Variants in FNBP1L observed in about 807,000 individuals in gnomAD.
FNBP1L encodes formin-binding protein 1-like.
Under a neutral mutation model 91.2 loss-of-function variants are expected in FNBP1L, and 36 were observed. The ratio of observed to expected loss-of-function variants is 0.39; its 90% CI spans 0.30 to 0.52. The LOEUF (loss-of-function observed/expected upper bound fraction) is 0.52, where lower values mean the gene tolerates loss of function less well. Among genes scored for constraint, FNBP1L ranks in the 20% least tolerant of loss-of-function variants. The pLI is 0.66. For synonymous variants in FNBP1L, 242 were observed against 237.0 expected (o/e 1.02, Z -0.19); for missense variants, 571 against 732.1 (o/e 0.78, Z 2.54).
At chr1:93,518,634 C>G (rs1671212014) in intron 2 of FNBP1L, among the ~76,000 whole-genome samples, 1 of 152,132 alleles carries the variant, frequency 6.6e-6, no homozygotes, top group Non-Finnish European at 1.5e-5. Context: ...TCATTTTAGA[C>G]TTGTTGAATA....
At chr1:93,492,380 G>A (rs1670122384) in intron 1 of FNBP1L, among the ~76,000 whole-genome samples, 1 of 152,130 alleles carries the variant, frequency 6.6e-6, no homozygotes, top group Non-Finnish European at 1.5e-5. Context: ...TTATTTAAAT[G>A]CATGGGTCTT....
rs1305791803 is a variant in FNBP1L at position 93,546,893 on chromosome 1, G to A, written c.1326G>A (p.Gly442=). 6.2e-7 allele frequency: 1 copy of A among 1,612,826 alleles called. No individual in the cohort carries two copies. Among genetic ancestry groups the A allele is most frequent in the Non-Finnish European group, 8.5e-7 (1 of 1,179,434 alleles). The change falls in exon 13 of 17, where the codon GGG becomes GGA. Residue 442 remains glycine, a synonymous_variant. Coordinates refer to ENST00000271234, the MANE Select transcript of FNBP1L (RefSeq NM_001164473.3). The stretch of plus-strand genomic sequence containing the variant: ...TATATGAGAAGAATCCACAAATGGG[G>A]GATCCAGGGAGTTTGCAGCCTAAAT... ...KDVYEKNPQM[G]DPGSLQPKLA...
At chr1:93,480,282 A>T (rs781051597) in intron 1 of FNBP1L, among the ~76,000 whole-genome samples, 42 of 152,196 alleles carry the variant, frequency 2.8e-4, no homozygotes, top group Non-Finnish European at 4.6e-4. Context: ...CCATCCGCAT[A>T]CCAACCTAAG....
chr1:93,468,109 C>T (rs1028387529), intron 1 of FNBP1L, among the ~76,000 whole-genome samples: 2 of 152,160 alleles, frequency 1.3e-5, no homozygotes, highest in African/African-American at 4.8e-5. Flanking sequence ...CCTTCTTCTC[C>T]CTCTCCTCCA....
intron 1 of FNBP1L, among the ~76,000 whole-genome samples, chr1:93,496,570 T>C (rs1670267357): frequency 6.6e-6 from 1 of 152,110 alleles, no homozygotes. Context: ...CTGGCTAATT[T>C]TTAAATTTTT....
At chr1:93,469,243 A>T (rs1375317821) in intron 1 of FNBP1L, among the ~76,000 whole-genome samples, 8 of 75,102 alleles carry the variant, frequency 1.1e-4, no homozygotes, top group African/African-American at 2.1e-4. Context: ...CTAACCCCCC[A>T]CCCCCCAACA....
intron 1 of FNBP1L, among the ~76,000 whole-genome samples, chr1:93,454,788 A>G (rs987264830): frequency 3.9e-5 from 6 of 152,190 alleles, no homozygotes; most frequent in African/African-American, 1.4e-4. Flanking sequence ...ATACAGCATA[A>G]CAACTATTTA....
chr1:93,530,627 A>C, intron 6 of FNBP1L, 128 bp from the exon 7 acceptor site: 2 of 924,110 alleles, frequency 2.2e-6, no homozygotes, highest in Non-Finnish European at 3.2e-6. Context: ...AAGTTATGCC[A>C]CGTCATTATT....
chr1:93,532,439 C>T lies in FNBP1L; in HGVS notation c.640-483C>T, dbSNP rs989062946. Reference sequence around the variant, plus strand: ...CCGAGATCGCGCAACTGCACTCCATCCAGCCTGGCGACAGAGCGAGACTCC... The same window carrying T: ...CCGAGATCGCGCAACTGCACTCCATTCAGCCTGGCGACAGAGCGAGACTCC... On this transcript the variant is annotated intron_variant, in intron 7 of 16. Transcript: ENST00000271234. Among the ~76,000 whole-genome samples the T allele has an allele frequency of 4.1e-5, 6 of 146,680 alleles. No individual in the cohort carries two copies. In the Admixed American group the frequency reaches 4.2e-4, roughly 10 times the overall value.
intron 1 of FNBP1L, among the ~76,000 whole-genome samples, chr1:93,498,105 C>CA (rs1670329033): frequency 6.6e-6 from 1 of 151,476 alleles, no homozygotes; most frequent in South Asian, 2.1e-4. Flanking sequence ...TGTTTTTGTT[C>CA]AGGTTTTTTA....
intron 7 of FNBP1L, among the ~76,000 whole-genome samples, chr1:93,532,097 C>A (rs1428694295): frequency 6.6e-6 from 1 of 151,974 alleles, no homozygotes; most frequent in Non-Finnish European, 1.5e-5. Flanking sequence ...GGTCTGGGTA[C>A]CTGTTGATAA....
At chr1:93,513,385 T>C (rs1313611678) in intron 2 of FNBP1L, among the ~76,000 whole-genome samples, 2 of 151,580 alleles carry the variant, frequency 1.3e-5, no homozygotes, top group Non-Finnish European at 2.9e-5. Context: ...TTCCAATCAA[T>C]AGAAAAAGAG....
chr1:93,485,097 G>C lies in FNBP1L; in HGVS notation c.25-14371G>C, dbSNP rs1250844117. 2.0e-5 allele frequency among the ~76,000 whole-genome samples: 3 copies of C among 151,038 alleles called. No homozygotes were observed. In the East Asian group the frequency reaches 5.9e-4, roughly 29 times the overall value. On this transcript the variant is annotated intron_variant, in intron 1 of 16. Transcript: ENST00000271234. ...GCCCAGGAGGTCAAGGCTGCAGTGA[G>C]CTGTGATTGTGCCATTGCACTCCAA...
At chr1:93,456,506 A>G (rs1030042974) in intron 1 of FNBP1L, among the ~76,000 whole-genome samples, 1 of 150,440 alleles carries the variant, frequency 6.6e-6, no homozygotes, top group Non-Finnish European at 1.5e-5. Flanking sequence ...GCAGCTGCTC[A>G]TGCTTGTAAT....
rs1557826385 is a variant in FNBP1L at position 93,553,899 on chromosome 1, AAG to A, written c.*1485_*1486del. On this transcript the variant is annotated 3_prime_UTR_variant, in exon 17 of 17. Transcript: ENST00000271234. ...GGTTCTTTACTGTTTTGAGGGGAGA[AAG>A]AACGTGAAATGGTTTGTGTATTATT... 1 of 152,622 alleles carries A rather than the reference AAG, an allele frequency of 6.6e-6. No homozygotes were observed. Among genetic ancestry groups the A allele is most frequent in the Non-Finnish European group, 1.5e-5 (1 of 68,036 alleles). The allele number at this position is 152,622 out of a possible 1,614,324, so 9.5% of individuals were successfully genotyped here.
At chr1:93,549,771 G>A (rs758761268) in intron 15 of FNBP1L, among the ~76,000 whole-genome samples, 7 of 152,172 alleles carry the variant, frequency 4.6e-5, no homozygotes, top group East Asian at 1.9e-4. Context: ...CCCAGGAAGC[G>A]GGATGCTGGC....
intron 2 of FNBP1L, among the ~76,000 whole-genome samples, chr1:93,516,875 G>T (rs1671140134): frequency 1.3e-5 from 2 of 152,104 alleles, no homozygotes; most frequent in African/African-American, 2.4e-5. Context: ...GGGAGACTGT[G>T]CCTGTCATAA....
At chr1:93,450,516 T>C (rs1292302042) in intron 1 of FNBP1L, among the ~76,000 whole-genome samples, 1 of 152,222 alleles carries the variant, frequency 6.6e-6, no homozygotes, top group Non-Finnish European at 1.5e-5. Context: ...AGGACTATTG[T>C]TGGGACTAGA....
chr1:93,504,807 A>G (rs1670552964), intron 2 of FNBP1L, among the ~76,000 whole-genome samples: 1 of 152,022 alleles, frequency 6.6e-6, no homozygotes, highest in Admixed American at 6.6e-5. Flanking sequence ...GAGTTTTAGG[A>G]GTTCTTTGTA....
Sources: gnomAD v4.1 joint callset for allele counts (sites outside exome capture counted in the v4.1 genomes callset) on GRCh38, gnomAD v4.1.1 for gene constraint, MANE v1.5 for transcripts, NCBI Gene and HGNC (gene_info 2026-07-23, HGNC 2026-07-21) for gene names.